SAMD15: variants seen among roughly 807,000 people sequenced by gnomAD.
SAMD15 encodes sterile alpha motif domain containing 15.
In SAMD15, 37 loss-of-function variants were observed where a neutral mutation model predicts 50.5. The observed-to-expected ratio is 0.73, with a 90% CI of 0.56 to 0.96. The LOEUF (loss-of-function observed/expected upper bound fraction) is 0.96, where lower values mean the gene tolerates loss of function less well. Among genes scored for constraint, SAMD15 ranks in the 40% least tolerant of loss-of-function variants. SAMD15 has a pLI of 0.00. For missense variants in SAMD15, 789 were observed against 783.8 expected (o/e 1.01, Z -0.08); for synonymous variants, 255 against 282.8 (o/e 0.90, Z 0.99).
chr14:77,377,686 G>A lies in SAMD15; in HGVS notation c.268G>A (p.Glu90Lys). Residue 90 changes from glutamate to lysine, a missense_variant, in exon 1 of 3, where the codon GAG becomes AAG. Glu to Lys is a moderately conservative substitution (Grantham distance 56, BLOSUM62 1). Coordinates refer to ENST00000216471, the MANE Select transcript of SAMD15 (RefSeq NM_001010860.4). Reference protein sequence around the residue: ...GGTSQEGIAKESKRDVPSETE... With the variant: ...GGTSQEGIAKKSKRDVPSETE... ...GACGTCCCAGGAAGGAATTGCCAAG[G>A]AGTCCAAGAGAGACGTACCAAGCGA... The A allele has an allele frequency of 6.2e-7, 1 of 1,614,170 alleles. No individual in the cohort carries two copies. Among genetic ancestry groups the A allele is most frequent in the South Asian group, 1.1e-5 (1 of 91,080 alleles).
At position 77,377,434 on chromosome 14, in the gene SAMD15, G is replaced by A; in HGVS notation, c.16G>A (p.Glu6Lys). 1 of 1,609,600 alleles carries A rather than the reference G, an allele frequency of 6.2e-7. No homozygotes were observed. The highest frequency in any genetic ancestry group is 2.2e-5 in the East Asian group (1 of 44,838). MAEVP[E>K]DYDSGPDEDG... ...TAAGCTGCAAATGGCTGAAGTCCCG[G>A]AGGATTATGATTCCGGCCCAGATGA... Residue 6 changes from glutamate (E) to lysine (K), a missense_variant, in exon 1 of 3, where the codon GAG (glutamate) becomes AAG (lysine). Physicochemically the swap from Glu to Lys is moderately conservative, Grantham distance 56. Transcript: ENST00000216471.
intron 1 of SAMD15, among the ~76,000 whole-genome samples, chr14:77,379,390 CT>C (rs201999364): frequency 1.4e-3 from 207 of 145,804 alleles, no homozygotes; most frequent in Middle Eastern, 7.0e-3. Context: ...GACCTCCTTT[CT>C]TTTTTTTTTT....
intron 2 of SAMD15, among the ~76,000 whole-genome samples, chr14:77,384,098 C>T (rs1236752807): frequency 6.6e-6 from 1 of 151,898 alleles, no homozygotes; most frequent in African/African-American, 2.4e-5. Flanking sequence ...AAAATGTCTC[C>T]ATTGTACTTA....
intron 1 of SAMD15, 170 bp downstream of exon 1, chr14:77,379,277 T>C: frequency 3.2e-6 from 2 of 626,552 alleles, no homozygotes; most frequent in Non-Finnish European, 5.6e-6. Context: ...GATGTATATT[T>C]GTATTTTGGG....
At chr14:77,381,659 A>G (rs1056853666) in intron 2 of SAMD15, among the ~76,000 whole-genome samples, 2 of 152,212 alleles carry the variant, frequency 1.3e-5, no homozygotes, top group African/African-American at 2.4e-5. Flanking sequence ...TCCATAAGTC[A>G]TATGGTTTAG....
chr14:77,385,362 T>G (rs887028885), intron 2 of SAMD15, among the ~76,000 whole-genome samples: 1 of 151,330 alleles, frequency 6.6e-6, no homozygotes, highest in Non-Finnish European at 1.5e-5. Flanking sequence ...CTCGGCTCAC[T>G]GCAACCTCTG....
rs1166221907 is a variant in SAMD15 at position 77,378,419 on chromosome 14, TAG to T, written c.1004_1005del (p.Glu335ValfsTer3). ...CCTGAGCCACTAGAAGAGATCAAAT[TAG>T]AGTTTCCTGAGGAAGAATCAAGAAA... On this transcript the variant is annotated frameshift_variant, in exon 1 of 3. Transcript: ENST00000216471. LOFTEE classifies it high-confidence loss of function. 1.9e-6 allele frequency: 3 copies of T among 1,613,802 alleles called. No homozygotes were observed. Among genetic ancestry groups the T allele is most frequent in the Admixed American group, 1.7e-5 (1 of 59,924 alleles).
At position 77,378,544 on chromosome 14, in the gene SAMD15, C is replaced by T. The variant is rs773783503; in HGVS notation, c.1126C>T (p.Pro376Ser). Reference protein sequence around the residue: ...KSNEKKNPQPPEETGPVLPQE... With the variant: ...KSNEKKNPQPSEETGPVLPQE... ...AAATGAGAAAAAAAATCCACAGCCA[C>T]CAGAGGAGACTGGTCCAGTGCTACC... The change falls in exon 1 of 3, where the codon CCA becomes TCA. Residue 376 changes from proline (P) to serine (S), a missense_variant. This residue lies in a region of SAMD15 where 770 missense variants were observed against 745.4 expected (regional missense o/e 1.03). Transcript: ENST00000216471. The T allele has an allele frequency of 1.2e-6, 2 of 1,613,546 alleles. No homozygotes were observed. The highest frequency in any genetic ancestry group is 1.1e-5 in the South Asian group (1 of 91,028).
chr14:77,386,644 AAATAAT>A lies in SAMD15; in HGVS notation c.1789-4353_1789-4348del, dbSNP rs370906787. 5.3e-5 allele frequency among the ~76,000 whole-genome samples: 8 copies of A among 152,130 alleles called. No individual in the cohort carries two copies. The East Asian group carries it at 1.5e-3, about 29-fold the overall frequency. On this transcript the variant is annotated intron_variant, in intron 2 of 2. Coordinates refer to ENST00000216471, the MANE Select transcript of SAMD15 (RefSeq NM_001010860.4). The stretch of plus-strand genomic sequence containing the variant: ...GCAACAGAGGGAGACCTCATCTCTG[AAATAAT>A]AATAATAATAGTGGTATAGATGGTT...
chr14:77,391,977 C>T lies in SAMD15; in HGVS notation c.*733C>T, dbSNP rs561577762. ...GCTGAGGCAGAAGAATCATTTGAAC[C>T]CAGGAAACAGAGGTTATAGTGAGCT... On this transcript the variant is annotated 3_prime_UTR_variant, in exon 3 of 3. Coordinates refer to ENST00000216471, the MANE Select transcript of SAMD15 (RefSeq NM_001010860.4). Among the ~76,000 whole-genome samples the T allele has an allele frequency of 1.3e-5, 2 of 152,198 alleles. No individual in the cohort carries two copies. Among genetic ancestry groups the T allele is most frequent in the South Asian group, 4.2e-4 (2 of 4,814 alleles).
Position 77,377,809 on chromosome 14 carries a change from A to AT in SAMD15, c.391_392insT (p.Lys131IlefsTer12). On this transcript the variant is annotated frameshift_variant, in exon 1 of 3. Coordinates refer to ENST00000216471, the MANE Select transcript of SAMD15 (RefSeq NM_001010860.4). LOFTEE classifies it high-confidence loss of function. ...GGAGGCCCCTATGGATGAAACGCAT[A>AT]AAGAGTCAGACCTAGAGCCACCAGA... 6.2e-7 allele frequency: 1 copy of AT among 1,611,580 alleles called. No individual in the cohort carries two copies. The highest frequency in any genetic ancestry group is 8.5e-7 in the Non-Finnish European group (1 of 1,179,868).
chr14:77,389,442 A>T (rs1270346420), intron 2 of SAMD15, among the ~76,000 whole-genome samples: 1 of 150,358 alleles, frequency 6.7e-6, no homozygotes, highest in Non-Finnish European at 1.5e-5. Flanking sequence ...GAATTCAAAC[A>T]GTGGTATTAT....
At chr14:77,379,128 T>C in intron 1 of SAMD15, 21 bp downstream of exon 1, 1 of 1,600,818 alleles carries the variant, frequency 6.2e-7, no homozygotes, top group Non-Finnish European at 8.5e-7. Flanking sequence ...ATAAGATGTT[T>C]TGAAATCACA....
intron 2 of SAMD15, among the ~76,000 whole-genome samples, chr14:77,382,556 G>C (rs187505384): frequency 2.0e-5 from 3 of 151,750 alleles, no homozygotes; most frequent in Admixed American, 1.3e-4. Flanking sequence ...CACCACGCCC[G>C]ACTTATATTC....
In SAMD15 at chr14:77,377,596, G is replaced by A. The variant is rs1208697141; in HGVS notation, c.178G>A (p.Glu60Lys). Residue 60 changes from glutamate to lysine, a missense_variant, in exon 1 of 3, where the codon GAG (glutamate) becomes AAG (lysine). Transcript: ENST00000216471. The stretch of plus-strand genomic sequence containing the variant: ...TTACCAAGAGCCACAGCCAGAGACC[G>A]AGGAAGAGGACTTCAAAGAGGGGGA... ...EIYQEPQPETEEEDFKEGEPD... is the reference protein window; with the variant it reads ...EIYQEPQPETKEEDFKEGEPD... The A allele has an allele frequency of 1.2e-6, 2 of 1,614,132 alleles. No homozygotes were observed. Among genetic ancestry groups the A allele is most frequent in the East Asian group, 2.2e-5 (1 of 44,888 alleles).
At chr14:77,379,846 A>C (rs546326229) in intron 1 of SAMD15, among the ~76,000 whole-genome samples, 3 of 152,188 alleles carry the variant, frequency 2.0e-5, no homozygotes, top group Non-Finnish European at 4.4e-5. Flanking sequence ...CACCTGTATC[A>C]TGAGCACTTA....
At position 77,378,073 on chromosome 14, in the gene SAMD15, G is replaced by A. The variant is rs117026335; in HGVS notation, c.655G>A (p.Glu219Lys). The stretch of plus-strand genomic sequence containing the variant: ...GCAGACCAAACAAGATTTTCCAAGT[G>A]AGAAACTAGGAGAATCACTTGAAGA... ...PEQTKQDFPS[E>K]KLGESLEETD... is the part of the protein sequence containing the mutation. The change falls in exon 1 of 3, where the codon GAG becomes AAG. Residue 219 changes from glutamate to lysine, a missense_variant. Around this residue, in one of 2 missense-constraint regions of SAMD15, gnomAD observed 770 missense variants for 745.4 expected, o/e 1.03. Coordinates refer to ENST00000216471, the MANE Select transcript of SAMD15 (RefSeq NM_001010860.4). The A allele has an allele frequency of 1.6e-3, 2,551 of 1,613,942 alleles. 2 individuals are homozygous for A. Among genetic ancestry groups the A allele is most frequent in the Non-Finnish European group, 1.9e-3 (2,280 of 1,180,024 alleles).
At position 77,391,266 on chromosome 14, in the gene SAMD15, T is replaced by C. The variant is rs1894069306; in HGVS notation, c.*22T>C. 6.9e-7 allele frequency: 1 copy of C among 1,457,996 alleles called. No homozygotes were observed. The highest frequency in any genetic ancestry group is 9.5e-7 in the Non-Finnish European group (1 of 1,047,810). 90.3% of individuals were successfully genotyped at this position (1,457,996 alleles called of 1,614,324 possible). ...ATAGGGGAAATCCACTTCACAGAGCTTGAAAGATCAAACTAAATTACTTGA... is the reference window on the plus strand; with the variant it reads ...ATAGGGGAAATCCACTTCACAGAGCCTGAAAGATCAAACTAAATTACTTGA... On this transcript the variant is annotated 3_prime_UTR_variant, in exon 3 of 3. Coordinates refer to ENST00000216471, the MANE Select transcript of SAMD15 (RefSeq NM_001010860.4).
intron 2 of SAMD15, among the ~76,000 whole-genome samples, chr14:77,385,969 T>A (rs1566701502): frequency 6.6e-6 from 1 of 151,052 alleles, no homozygotes; most frequent in Non-Finnish European, 1.5e-5. Flanking sequence ...CACTTCAGCC[T>A]CCCGGGTAGC....
Sources: allele counts gnomAD v4.1 joint callset (sites outside exome capture counted in the v4.1 genomes callset), GRCh38; gene constraint gnomAD v4.1.1; regional missense constraint gnomAD v4.1.1; transcripts MANE v1.5; gene names NCBI Gene and HGNC (gene_info 2026-07-23, HGNC 2026-07-21).